The following LMNB1 variants were observed in gnomAD, a reference collection of about 807,000 sequenced individuals.
LMNB1 encodes the protein lamin B1, also known as lamin-B1.
In LMNB1, 23 loss-of-function variants were observed where a neutral mutation model predicts 67.1. The observed-to-expected ratio is 0.34, with a 90% CI of 0.25 to 0.49. LMNB1 has a LOEUF of 0.49. Among genes scored for constraint, LMNB1 ranks in the 20% least tolerant of loss-of-function variants. The pLI is 0.99. For synonymous variants in LMNB1, 281 were observed against 282.9 expected (o/e 0.99, Z 0.07); for missense variants, 634 against 746.5 (o/e 0.85, Z 1.76).
intron 1 of LMNB1, among the ~76,000 whole-genome samples, chr5:126,789,939 C>A (rs950126249): frequency 6.6e-6 from 1 of 151,908 alleles, no homozygotes; most frequent in African/African-American, 2.4e-5. Flanking sequence ...TCCCAAAGTG[C>A]TGGGATTACA....
At chr5:126,832,142 C>T (rs1396259490) in intron 9 of LMNB1, among the ~76,000 whole-genome samples, 1 of 152,078 alleles carries the variant, frequency 6.6e-6, no homozygotes, top group African/African-American at 2.4e-5. Flanking sequence ...GTGGTGCATG[C>T]CTGTAATCCC....
intron 5 of LMNB1, among the ~76,000 whole-genome samples, chr5:126,813,874 A>G (rs1324930772): frequency 6.6e-6 from 1 of 152,158 alleles, no homozygotes; most frequent in African/African-American, 2.4e-5. Context: ...CACAGACTGT[A>G]TCACTGTCTT....
At chr5:126,795,019 T>C (rs996808388) in intron 1 of LMNB1, among the ~76,000 whole-genome samples, 5 of 152,202 alleles carry the variant, frequency 3.3e-5, no homozygotes, top group Non-Finnish European at 7.4e-5. Flanking sequence ...TATTTGTCCC[T>C]GCAAGTTTAC....
At position 126,810,189 on chromosome 5, in the gene LMNB1, G is replaced by A. The variant is rs1007911062; in HGVS notation, c.652G>A (p.Glu218Lys). Residue 218 changes from glutamate (E) to lysine (K), a missense_variant, in exon 4 of 11, where the codon GAG becomes AAG. Transcript: ENST00000261366. ...RKSMYEEEIN[E>K]TRRKHETRLV... Reference sequence around the variant, plus strand: ...TTTGTTTTTTCCCCAGGAGATTAACGAGACCAGAAGGAAGCATGAAACGCG... The same window carrying A: ...TTTGTTTTTTCCCCAGGAGATTAACAAGACCAGAAGGAAGCATGAAACGCG... The A allele has an allele frequency of 1.1e-5, 17 of 1,610,938 alleles. No individual in the cohort carries two copies. Among genetic ancestry groups the A allele is most frequent in the Non-Finnish European group, 1.4e-5 (16 of 1,177,536 alleles).
At chr5:126,818,347 T>C (rs1270278931) in intron 5 of LMNB1, among the ~76,000 whole-genome samples, 1 of 151,912 alleles carries the variant, frequency 6.6e-6, no homozygotes. Context: ...CAAGCGATTG[T>C]CCTGCCTCAG....
Position 126,784,006 on chromosome 5 carries a change from G to T in LMNB1, c.359+6139G>T, listed in dbSNP as rs1043614851. Among the ~76,000 whole-genome samples, 182 of 134,772 alleles carry T rather than the reference G, an allele frequency of 1.4e-3. 1 individual carries two copies. Among genetic ancestry groups the T allele is most frequent in the Non-Finnish European group, 2.5e-3 (157 of 64,016 alleles). The allele number at this position is 134,772 out of a possible 152,430, so 88.4% of individuals were successfully genotyped here. A position where few individuals can be genotyped will look rare whatever the true frequency, so the allele number is the denominator to read the frequency against. ...TTGATAAGGAGATTGTGCTTTGGCTGTCATTTGATTTTTTTTTTTTTTTTT... is the reference window on the plus strand; with the variant it reads ...TTGATAAGGAGATTGTGCTTTGGCTTTCATTTGATTTTTTTTTTTTTTTTT... On this transcript the variant is annotated intron_variant, in intron 1 of 10. Coordinates refer to ENST00000261366, the MANE Select transcript of LMNB1 (RefSeq NM_005573.4).
At chr5:126,814,912 A>G (rs936846525) in intron 5 of LMNB1, among the ~76,000 whole-genome samples, 2 of 152,160 alleles carry the variant, frequency 1.3e-5, no homozygotes, top group Admixed American at 6.5e-5. Flanking sequence ...GTGGTTTTTA[A>G]GTAATGTTAG....
chr5:126,777,944 T>G, intron 1 of LMNB1, 77 bp downstream of exon 1: 1 of 1,335,428 alleles, frequency 7.5e-7, no homozygotes, highest in South Asian at 1.7e-5. Flanking sequence ...CACCGGGTTC[T>G]GCCGTGGGGA....
intron 1 of LMNB1, among the ~76,000 whole-genome samples, chr5:126,778,818 AG>A (rs1645778059): frequency 6.6e-6 from 1 of 152,166 alleles, no homozygotes; most frequent in South Asian, 2.1e-4. Context: ...GGCAGGTGAC[AG>A]GGTGCTGTGT....
At chr5:126,807,853 G>GTTTTGTTTTTGTTTTTGTTTTTGT (rs11272186) in intron 3 of LMNB1, among the ~76,000 whole-genome samples, 84 of 145,468 alleles carry the variant, frequency 5.8e-4, no homozygotes, top group South Asian at 8.8e-4. Flanking sequence ...GTCCTCTTCA[G>GTTTTGTTTTTGTTTTTGTTTTTGT]TTTTGTTTTT....
intron 1 of LMNB1, among the ~76,000 whole-genome samples, chr5:126,804,311 C>G (rs1226796388): frequency 7.0e-6 from 1 of 142,096 alleles, no homozygotes; most frequent in Non-Finnish European, 1.5e-5. Flanking sequence ...TTCCTGGTCT[C>G]AAGTGATCCT....
chr5:126,816,410 A>G (rs1398311404), intron 5 of LMNB1, among the ~76,000 whole-genome samples: 3 of 152,172 alleles, frequency 2.0e-5, no homozygotes, highest in Admixed American at 6.5e-5. Flanking sequence ...ATTATTTTTT[A>G]AATAACCTTG....
At chr5:126,788,497 C>T (rs980888487) in intron 1 of LMNB1, among the ~76,000 whole-genome samples, 11 of 152,068 alleles carry the variant, frequency 7.2e-5, no homozygotes, top group African/African-American at 2.4e-4. Flanking sequence ...ATTAGCCAGG[C>T]GTGGTTGCAC....
At chr5:126,808,346 G>A (rs1213597845) in intron 3 of LMNB1, among the ~76,000 whole-genome samples, 1 of 150,870 alleles carries the variant, frequency 6.6e-6, no homozygotes, top group Non-Finnish European at 1.5e-5. Flanking sequence ...CTCACAACTG[G>A]CTAACTTTTT....
At chr5:126,796,786 C>CTTTTT (rs34534973) in intron 1 of LMNB1, among the ~76,000 whole-genome samples, 110 of 118,732 alleles carry the variant, frequency 9.3e-4, no homozygotes, top group African/African-American at 1.8e-3. Flanking sequence ...TTTTTTCTTT[C>CTTTTT]TTTTTTTTTT....
intron 1 of LMNB1, among the ~76,000 whole-genome samples, chr5:126,792,567 ATTTTTTTTTT>A (rs752371260): frequency 2.0e-5 from 2 of 99,152 alleles, no homozygotes; most frequent in East Asian, 3.2e-4. Context: ...AGCACTAGGG[ATTTTTTTTTT>A]TTTTTTTTTT....
chr5:126,792,288 A>G (rs1750982174), intron 1 of LMNB1, among the ~76,000 whole-genome samples: 1 of 151,658 alleles, frequency 6.6e-6, no homozygotes, highest in Non-Finnish European at 1.5e-5. Context: ...GATTACAGAC[A>G]CGTGCCATTA....
intron 1 of LMNB1, among the ~76,000 whole-genome samples, chr5:126,793,744 C>T (rs1031932972): frequency 3.3e-5 from 5 of 151,966 alleles, no homozygotes; most frequent in African/African-American, 9.7e-5. Flanking sequence ...AATGTAGTGT[C>T]GGGCGCCTGT....
rs1227785042 is a variant in LMNB1 at position 126,805,676 on chromosome 5, C to T, written c.622C>T (p.Arg208Cys). ...CQSLTEDLEF[R>C]KSMYEEEINE... is the part of the protein sequence containing the mutation. ...GAGCCTTACTGAGGACTTGGAGTTT[C>T]GCAAAAGCATGTATGAAGAGGTAAC... The change falls in exon 3 of 11, where the codon CGC (arginine) becomes TGC (cysteine). Residue 208 changes from arginine to cysteine, a missense_variant. Coordinates refer to ENST00000261366, the MANE Select transcript of LMNB1 (RefSeq NM_005573.4). The T allele has an allele frequency of 1.3e-5, 21 of 1,610,970 alleles. No individual in the cohort carries two copies. The highest frequency in any genetic ancestry group is 4.5e-5 in the East Asian group (2 of 44,838).
Sources: gnomAD v4.1 joint callset for allele counts (sites outside exome capture counted in the v4.1 genomes callset) on GRCh38, gnomAD v4.1.1 for gene constraint, MANE v1.5 for transcripts, NCBI Gene and HGNC (gene_info 2026-07-23, HGNC 2026-07-21) for gene names.